The following SPOCK3 variants were observed in gnomAD, a reference collection of about 807,000 sequenced individuals.
SPOCK3 encodes testican-3.
A neutral mutation model predicts 56.6 loss-of-function variants in SPOCK3; 30 were observed. The observed-to-expected ratio is 0.53, with a 90% CI of 0.40 to 0.72. The LOEUF (loss-of-function observed/expected upper bound fraction) is 0.72, where lower values mean the gene tolerates loss of function less well. SPOCK3 is among the 30% of genes least tolerant of loss of function. The pLI, the probability that SPOCK3 is intolerant of heterozygous loss-of-function variation, is 0.00. For missense variants in SPOCK3, 527 were observed against 530.0 expected, an observed-to-expected ratio of 0.99 and a Z score of 0.06; for synonymous variants, 196 against 183.3, an observed-to-expected ratio of 1.07 and a Z score of -0.56.
rs144430579 is a variant in SPOCK3 at position 167,153,899 on chromosome 4, T to C, written c.189+80086A>G. Among the ~76,000 whole-genome samples, 9 of 44,984 alleles carry C rather than the reference T, an allele frequency of 2.0e-4. No individual in the cohort carries two copies. The East Asian group carries it at 6.1e-3, about 31-fold the overall frequency. 29.5% of individuals were successfully genotyped at this position (44,984 alleles called of 152,430 possible). A position where few individuals can be genotyped will look rare whatever the true frequency, so the allele number is the denominator to read the frequency against. The stretch of plus-strand genomic sequence containing the variant: ...GGAAAAATGACAAGACATAGGTAGA[T>C]TTCAGGGAAAAACTAGGCTTTAATC... On this transcript the variant is annotated intron_variant, in intron 2 of 10. Transcript: ENST00000357545.
chr4:167,117,251 G>C (rs1037237737), intron 2 of SPOCK3, among the ~76,000 whole-genome samples: 1 of 152,042 alleles, frequency 6.6e-6, no homozygotes, highest in South Asian at 2.1e-4. Context: ...AGGAACATCA[G>C]CACAATATGT....
At chr4:167,047,188 G>T (rs1382497551) in intron 3 of SPOCK3, among the ~76,000 whole-genome samples, 2 of 152,200 alleles carry the variant, frequency 1.3e-5, no homozygotes, top group Non-Finnish European at 2.9e-5. Flanking sequence ...CATAGGGAAA[G>T]TAGAGCTTGA....
chr4:166,912,572 T>G, intron 5 of SPOCK3, 48 bp downstream of exon 5: 1 of 1,562,192 alleles, frequency 6.4e-7, no homozygotes, highest in Non-Finnish European at 8.8e-7. Flanking sequence ...CATTTACTAA[T>G]AAGTATGCAT....
chr4:167,108,867 C>T (rs1262532147), intron 2 of SPOCK3, among the ~76,000 whole-genome samples: 1 of 145,310 alleles, frequency 6.9e-6, no homozygotes, highest in African/African-American at 2.5e-5. Context: ...TCCATTTACT[C>T]TGATGTGATT....
intron 3 of SPOCK3, among the ~76,000 whole-genome samples, chr4:167,059,993 G>A (rs1187826054): frequency 6.6e-6 from 1 of 150,468 alleles, no homozygotes; most frequent in African/African-American, 2.4e-5. Flanking sequence ...CTCACTCTGG[G>A]ACTGTTGTGG....
intron 2 of SPOCK3, among the ~76,000 whole-genome samples, chr4:167,161,271 C>A (rs1765279253): frequency 6.6e-6 from 1 of 152,078 alleles, no homozygotes; most frequent in Admixed American, 6.6e-5. Context: ...TTTATGCAGC[C>A]AAAAGACACA....
At chr4:167,057,504 G>C (rs1338643865) in intron 3 of SPOCK3, among the ~76,000 whole-genome samples, 1 of 151,834 alleles carries the variant, frequency 6.6e-6, no homozygotes, top group African/African-American at 2.4e-5. Context: ...ATTGGATAAA[G>C]AGTCAAGACC....
At chr4:167,023,140 T>A (rs72973565) in intron 3 of SPOCK3, among the ~76,000 whole-genome samples, 4,644 of 152,040 alleles carry the variant, frequency 0.031, 254 homozygotes, top group African/African-American at 0.11. Context: ...ACAAGGCTTA[T>A]CTGGATACAG....
At chr4:166,772,786 T>C (rs1739098180) in intron 7 of SPOCK3, among the ~76,000 whole-genome samples, 1 of 152,068 alleles carries the variant, frequency 6.6e-6, no homozygotes, top group African/African-American at 2.4e-5. Flanking sequence ...TTGAGGTTTC[T>C]TTCCTTTTTG....
At chr4:166,844,622 GTGTCTGTC>G (rs10552874) in intron 6 of SPOCK3, among the ~76,000 whole-genome samples, 1 of 151,742 alleles carries the variant, frequency 6.6e-6, no homozygotes, top group Non-Finnish European at 1.5e-5. Context: ...TTGCCTGCCA[GTGTCTGTC>G]TGTCTGTCTA....
intron 3 of SPOCK3, among the ~76,000 whole-genome samples, chr4:167,004,023 T>C (rs776583265): frequency 2.0e-5 from 3 of 152,162 alleles, no homozygotes; most frequent in South Asian, 2.1e-4. Context: ...TTCCCACCAT[T>C]ATGGGCTGGA....
chr4:166,959,046 G>T (rs1476713064), intron 4 of SPOCK3, among the ~76,000 whole-genome samples: 1 of 152,066 alleles, frequency 6.6e-6, no homozygotes, highest in Admixed American at 6.6e-5. Context: ...TTTATAAAGG[G>T]TGACAAGCAT....
intron 10 of SPOCK3, 77 bp downstream of exon 10, chr4:166,737,390 T>C (rs770945200): frequency 3.4e-6 from 5 of 1,471,526 alleles, no homozygotes; most frequent in Non-Finnish European, 4.6e-6. Flanking sequence ...CATTAAATGC[T>C]TGAACAAATG....
At chr4:166,803,242 A>G (rs1032253338) in intron 6 of SPOCK3, among the ~76,000 whole-genome samples, 2 of 152,182 alleles carry the variant, frequency 1.3e-5, no homozygotes, top group African/African-American at 4.8e-5. Flanking sequence ...TACAATTTCT[A>G]TAGCCATTAA....
At chr4:167,197,566 ATTATT>A (rs1018526931) in intron 2 of SPOCK3, among the ~76,000 whole-genome samples, 71 of 152,032 alleles carry the variant, frequency 4.7e-4, no homozygotes, top group African/African-American at 1.5e-3. Flanking sequence ...TTTCCTTAAT[ATTATT>A]TTAAGATTGT....
intron 2 of SPOCK3, among the ~76,000 whole-genome samples, chr4:167,101,985 A>G (rs895456071): frequency 2.6e-5 from 4 of 151,678 alleles, no homozygotes; most frequent in Non-Finnish European, 5.9e-5. Context: ...GGCATGAGCC[A>G]CTGCACCTGG....
At position 166,873,145 on chromosome 4, in the gene SPOCK3, T is replaced by A. The variant is rs551173026; in HGVS notation, c.589+15985A>T. 2.0e-5 allele frequency among the ~76,000 whole-genome samples: 3 copies of A among 151,924 alleles called. No individual in the cohort carries two copies. The South Asian group carries it at 6.2e-4, about 32-fold the overall frequency. On this transcript the variant is annotated intron_variant, in intron 6 of 10. Coordinates refer to ENST00000357545, the MANE Select transcript of SPOCK3 (RefSeq NM_001040159.2). ...CTGGGAATCAAATTTCAACATGAGTTTTGGTGGGGACAAACCAAACCAAAG... is the reference window on the plus strand; with the variant it reads ...CTGGGAATCAAATTTCAACATGAGTATTGGTGGGGACAAACCAAACCAAAG...
intron 3 of SPOCK3, among the ~76,000 whole-genome samples, chr4:167,046,968 T>C (rs1460854050): frequency 6.6e-6 from 1 of 151,742 alleles, no homozygotes; most frequent in African/African-American, 2.4e-5. Context: ...TAGTGAAGAG[T>C]ATATGATATT....
intron 4 of SPOCK3, among the ~76,000 whole-genome samples, chr4:166,921,969 G>A (rs140521419): frequency 4.6e-4 from 70 of 152,180 alleles, no homozygotes; most frequent in African/African-American, 9.4e-4. Flanking sequence ...CCCAGTAGCC[G>A]TCACCTGTTA....
Sources: allele counts gnomAD v4.1 joint callset (sites outside exome capture counted in the v4.1 genomes callset), GRCh38; gene constraint gnomAD v4.1.1; transcripts MANE v1.5; gene names NCBI Gene and HGNC (gene_info 2026-07-23, HGNC 2026-07-21).